The following MED12L variants were observed in gnomAD, a reference collection of about 807,000 sequenced individuals.
The protein encoded by MED12L is mediator of RNA polymerase II transcription subunit 12-like protein.
MED12L carries 60 observed loss-of-function variants against 281.3 expected under a neutral mutation model. The ratio of observed to expected loss-of-function variants is 0.21; its 90% confidence interval spans 0.17 to 0.26. The LOEUF is 0.26. Ranked by LOEUF, MED12L falls within the 10% of genes least tolerant of loss-of-function variation. The pLI, the probability that MED12L is intolerant of heterozygous loss-of-function variation, is 1.00. For missense variants in MED12L, 2,146 were observed against 2,680.9 expected (o/e 0.80, Z 4.41); for synonymous variants, 974 against 987.2 (o/e 0.99, Z 0.25).
chr3:151,329,044 C>A (rs1297428690), intron 16 of MED12L: 1 of 1,436,122 alleles, frequency 7.0e-7, no homozygotes. Context: ...CAAAAGAAAA[C>A]AAAAAGCCCT....
intron 39 of MED12L, among the ~76,000 whole-genome samples, chr3:151,403,597 C>T (rs957194166): frequency 6.6e-6 from 1 of 152,126 alleles, no homozygotes; most frequent in Non-Finnish European, 1.5e-5. Flanking sequence ...TTCATCTCTA[C>T]TGCTTTGCCT....
In MED12L at chr3:151,165,937, T is replaced by G. The variant is rs987629181; in HGVS notation, c.1449T>G (p.Leu483=). 2 of 1,613,824 alleles carry G rather than the reference T, an allele frequency of 1.2e-6. No individual in the cohort carries two copies. The highest frequency in any genetic ancestry group is 2.7e-5 in the African/African-American group (2 of 74,932). ...RTDSSNSMET[L]YHKIFWANQN... ...ATTCCAGCAATTCCATGGAGACACT[T>G]TATCATAAGATTTTCTGGGCAAACC... The change falls in exon 11 of 45, where the codon CTT becomes CTG. Residue 483 remains leucine, a synonymous_variant. Transcript: ENST00000687756.
intron 2 of MED12L, among the ~76,000 whole-genome samples, chr3:151,101,893 T>C (rs1312027975): frequency 1.3e-5 from 2 of 152,094 alleles, no homozygotes; most frequent in Non-Finnish European, 2.9e-5. Flanking sequence ...GGAGAAGAAT[T>C]GGCAGTTGGT....
chr3:151,271,508 C>T (rs1416022680), intron 16 of MED12L, among the ~76,000 whole-genome samples: 1 of 152,074 alleles, frequency 6.6e-6, no homozygotes, highest in East Asian at 1.9e-4. Context: ...TAGGTGTTTA[C>T]CCAGGAGAAG....
chr3:151,170,953 C>A (rs1180211296), intron 11 of MED12L, among the ~76,000 whole-genome samples: 2 of 152,100 alleles, frequency 1.3e-5, no homozygotes, highest in Non-Finnish European at 2.9e-5. Context: ...TCCACTGTTC[C>A]CTGATCATCC....
intron 39 of MED12L, among the ~76,000 whole-genome samples, chr3:151,406,796 C>T (rs1297828835): frequency 1.9e-5 from 2 of 104,224 alleles, no homozygotes. Flanking sequence ...TCCATTTCTT[C>T]TTCTTCTTTT....
rs1433701356 is a variant in MED12L at position 151,434,037 on chromosome 3, A to G, written c.*1233A>G. The stretch of plus-strand genomic sequence containing the variant: ...GTAACTTAAGAGTATTCTATATAAT[A>G]TTTTTTTAGATTTAGATGCATAAAA... On this transcript the variant is annotated 3_prime_UTR_variant, in exon 45 of 45. Transcript: ENST00000687756. 1 of 152,532 alleles carries G rather than the reference A, an allele frequency of 6.6e-6. No homozygotes were observed. Among genetic ancestry groups the G allele is most frequent in the Non-Finnish European group, 1.5e-5 (1 of 68,026 alleles). 9.4% of individuals were successfully genotyped at this position (152,532 alleles called of 1,614,324 possible).
At chr3:151,324,165 C>G (rs1457309655) in intron 16 of MED12L, among the ~76,000 whole-genome samples, 1 of 152,180 alleles carries the variant, frequency 6.6e-6, no homozygotes, top group Non-Finnish European at 1.5e-5. Context: ...AGTTTTGTTC[C>G]TATTTTTAAC....
At chr3:151,202,594 C>T (rs907774572) in intron 16 of MED12L, among the ~76,000 whole-genome samples, 8 of 152,146 alleles carry the variant, frequency 5.3e-5, no homozygotes, top group East Asian at 1.9e-4. Context: ...TGTTTGAACC[C>T]GGGATGTGGA....
chr3:151,420,974 A>G (rs150252950), intron 43 of MED12L, among the ~76,000 whole-genome samples: 109 of 152,342 alleles, frequency 7.2e-4, no homozygotes, highest in African/African-American at 2.6e-3. Flanking sequence ...ACCTGCCACC[A>G]TGTAGCTGGC....
chr3:151,100,827 A>G (rs1721298775), intron 2 of MED12L, among the ~76,000 whole-genome samples: 1 of 152,158 alleles, frequency 6.6e-6, no homozygotes, highest in South Asian at 2.1e-4. Flanking sequence ...ATTTTCGTTT[A>G]CTTAGTACTT....
At chr3:151,336,205 A>T (rs1349694976) in intron 16 of MED12L, among the ~76,000 whole-genome samples, 2 of 152,220 alleles carry the variant, frequency 1.3e-5, no homozygotes, top group Non-Finnish European at 2.9e-5. Context: ...TTTAGAGTGA[A>T]CTGTACTAGT....
intron 16 of MED12L, among the ~76,000 whole-genome samples, chr3:151,264,885 T>C (rs149044745): frequency 6.6e-6 from 1 of 152,348 alleles, no homozygotes; most frequent in African/African-American, 2.4e-5. Context: ...CTGTACCTCC[T>C]GTGGCCACTG....
chr3:151,322,371 AT>A (rs1487870096), intron 16 of MED12L, among the ~76,000 whole-genome samples: 1 of 150,422 alleles, frequency 6.6e-6, no homozygotes, highest in African/African-American at 2.4e-5. Flanking sequence ...TTATTTTTTT[AT>A]TTTTTGTAGA....
At chr3:151,416,799 C>A (rs563210288) in intron 43 of MED12L, among the ~76,000 whole-genome samples, 1 of 152,150 alleles carries the variant, frequency 6.6e-6, no homozygotes, top group Admixed American at 6.5e-5. Context: ...AAACCATGGG[C>A]GCACTTTCTA....
chr3:151,176,703 CTG>C (rs1722096032), intron 11 of MED12L, among the ~76,000 whole-genome samples: 1 of 152,086 alleles, frequency 6.6e-6, no homozygotes. Context: ...ATATTTATTC[CTG>C]TCTCTTCTCA....
intron 5 of MED12L, among the ~76,000 whole-genome samples, chr3:151,143,658 C>T (rs1576819312): frequency 6.6e-6 from 1 of 152,144 alleles, no homozygotes; most frequent in African/African-American, 2.4e-5. Context: ...CCTTTCTTCC[C>T]CATGTCTCCT....
At chr3:151,391,031 T>C (rs898351376) in intron 38 of MED12L, among the ~76,000 whole-genome samples, 9 of 152,220 alleles carry the variant, frequency 5.9e-5, no homozygotes, top group African/African-American at 2.2e-4. Flanking sequence ...AATATGCTAA[T>C]ACCTATTCCC....
chr3:151,388,271 A>T (rs1405624158), intron 37 of MED12L, 99 bp downstream of exon 37: 2 of 1,446,014 alleles, frequency 1.4e-6, no homozygotes, highest in African/African-American at 2.8e-5. Context: ...CAAGAGCAGG[A>T]TAAGTTTTGT....
Sources: allele counts gnomAD v4.1 joint callset (sites outside exome capture counted in the v4.1 genomes callset), GRCh38; gene constraint gnomAD v4.1.1; transcripts MANE v1.5; gene names NCBI Gene and HGNC (gene_info 2026-07-23, HGNC 2026-07-21).